Variants in PCDH15 observed in about 807,000 individuals in gnomAD.
The protein encoded by PCDH15 is protocadherin related 15, also known as protocadherin-15.
A neutral mutation model predicts 178.5 loss-of-function variants in PCDH15; 129 were observed. The observed-to-expected ratio is 0.72, with a 90% CI of 0.63 to 0.84. The LOEUF is 0.84. Ranked by LOEUF, PCDH15 falls within the 40% of genes least tolerant of loss-of-function variation. The probability of loss-of-function intolerance (pLI) is 0.00; values close to 1 mark genes in which losing one functional copy is unlikely to be tolerated. For synonymous variants in PCDH15, 800 were observed against 732.0 expected, an observed-to-expected ratio of 1.09 and a Z score of -1.50; for missense variants, 2,230 against 2,099.9, an observed-to-expected ratio of 1.06 and a Z score of -1.21.
At chr10:54,421,690 A>ATATATATATATATATG (rs1301759947) in intron 3 of PCDH15, among the ~76,000 whole-genome samples, 1,358 of 110,694 alleles carry the variant, frequency 0.012, 51 homozygotes, top group African/African-American at 0.02. Context: ...ATATATATAT[A>ATATATATATATATATG]TATACACACA....
chr10:54,685,451 G>A (rs1446531176), intron 1 of PCDH15, among the ~76,000 whole-genome samples: 1 of 152,120 alleles, frequency 6.6e-6, no homozygotes, highest in Non-Finnish European at 1.5e-5. Flanking sequence ...CACCACAAAC[G>A]TGTGAGTAAT....
intron 1 of PCDH15, among the ~76,000 whole-genome samples, chr10:55,281,246 GA>G (rs536487177): frequency 1.7e-3 from 253 of 152,118 alleles, no homozygotes; most frequent in Non-Finnish European, 1.9e-3. Context: ...AATAACAGAA[GA>G]AAAATAATTT....
chr10:54,571,858 A>T (rs2089890546), intron 2 of PCDH15, among the ~76,000 whole-genome samples: 1 of 152,186 alleles, frequency 6.6e-6, no homozygotes, highest in Non-Finnish European at 1.5e-5. Flanking sequence ...TCTATACATC[A>T]AAAATTGTGA....
intron 2 of PCDH15, among the ~76,000 whole-genome samples, chr10:55,362,726 C>T (rs1845259679): frequency 6.6e-6 from 1 of 151,956 alleles, no homozygotes; most frequent in South Asian, 2.1e-4. Flanking sequence ...CATGTGATTA[C>T]CACCACAGTC....
chr10:55,608,022 C>T (rs996314313), intron 2 of PCDH15, among the ~76,000 whole-genome samples: 2 of 151,988 alleles, frequency 1.3e-5, no homozygotes, highest in African/African-American at 4.8e-5. Flanking sequence ...AAAGCGCCTA[C>T]TGGTCAAATG....
At chr10:54,909,450 C>A (rs1289743978) in intron 2 of PCDH15, among the ~76,000 whole-genome samples, 1 of 152,198 alleles carries the variant, frequency 6.6e-6, no homozygotes, top group Non-Finnish European at 1.5e-5. Context: ...TGTATCAGCA[C>A]TGCCTCGAGC....
chr10:54,921,236 T>C (rs571652339), intron 2 of PCDH15, among the ~76,000 whole-genome samples: 4 of 152,334 alleles, frequency 2.6e-5, no homozygotes, highest in Non-Finnish European at 5.9e-5. Flanking sequence ...CCAAATTTCA[T>C]ACTTTTTGCT....
chr10:54,680,985 G>C (rs1325605501), intron 1 of PCDH15, among the ~76,000 whole-genome samples: 1 of 152,118 alleles, frequency 6.6e-6, no homozygotes, highest in Non-Finnish European at 1.5e-5. Context: ...AATAAACTAA[G>C]GGATATTTTA....
intron 15 of PCDH15, among the ~76,000 whole-genome samples, chr10:54,099,498 C>CAAAAAAAAAAAAAAAAA (rs755057091): frequency 2.0e-5 from 1 of 49,968 alleles, no homozygotes; most frequent in Non-Finnish European, 3.3e-5. Flanking sequence ...GACTCCATCT[C>CAAAAAAAAAAAAAAAAA]AAAAAAAAAA....
At chr10:54,771,105 G>A (rs1317728328) in intron 1 of PCDH15, among the ~76,000 whole-genome samples, 3 of 152,006 alleles carry the variant, frequency 2.0e-5, no homozygotes, top group Non-Finnish European at 4.4e-5. Flanking sequence ...CACTCATCAT[G>A]AACCAGATAG....
At chr10:55,179,881 G>A (rs888355898) in intron 1 of PCDH15, among the ~76,000 whole-genome samples, 4 of 151,892 alleles carry the variant, frequency 2.6e-5, no homozygotes, top group Admixed American at 1.3e-4. Context: ...GCTGAACTAC[G>A]GGAGTGAAAA....
intron 3 of PCDH15, among the ~76,000 whole-genome samples, chr10:54,499,829 GA>G (rs1477886109): frequency 6.6e-6 from 1 of 152,196 alleles, no homozygotes; most frequent in East Asian, 1.9e-4. Context: ...AATTAGAGCT[GA>G]CCAGAATGAC....
In PCDH15 at chr10:54,291,841, C is replaced by G. The variant is rs143868065; in HGVS notation, c.876+25430G>C. ...GAGGCAATAATTAATAGCCTATCAA[C>G]CAAAAAAGGTCCAGGGCCAGACGGA... On this transcript the variant is annotated intron_variant, in intron 8 of 37. Transcript: ENST00000644397. Among the ~76,000 whole-genome samples the G allele has an allele frequency of 3.9e-5, 6 of 152,190 alleles. No homozygotes were observed. In the East Asian group the frequency reaches 1.2e-3, roughly 29 times the overall value.
intron 3 of PCDH15, among the ~76,000 whole-genome samples, chr10:54,522,189 A>T (rs2082953097): frequency 6.6e-6 from 1 of 152,000 alleles, no homozygotes. Flanking sequence ...CGCTGCTATG[A>T]CATTGAGTGA....
intron 27 of PCDH15, among the ~76,000 whole-genome samples, chr10:53,862,354 T>C (rs2079159394): frequency 6.6e-6 from 1 of 152,080 alleles, no homozygotes; most frequent in Non-Finnish European, 1.5e-5. Flanking sequence ...CCGGCCATTG[T>C]ACTTTGAATT....
chr10:55,369,448 A>G (rs1325087948), intron 2 of PCDH15, among the ~76,000 whole-genome samples: 5 of 152,056 alleles, frequency 3.3e-5, no homozygotes, highest in African/African-American at 1.2e-4. Context: ...TAAAAACAAA[A>G]AAGTACCCTT....
chr10:55,120,491 G>A (rs1033575100), intron 2 of PCDH15, among the ~76,000 whole-genome samples: 1 of 152,022 alleles, frequency 6.6e-6, no homozygotes, highest in East Asian at 1.9e-4. Context: ...GAAGCCCCAG[G>A]ACTGAGATCT....
chr10:55,333,747 T>C (rs1268920643), intron 2 of PCDH15, among the ~76,000 whole-genome samples: 1 of 151,988 alleles, frequency 6.6e-6, no homozygotes, highest in East Asian at 1.9e-4. Context: ...TTGGAATTTC[T>C]TATAATATTC....
intron 13 of PCDH15, among the ~76,000 whole-genome samples, chr10:54,180,925 G>T (rs1023063809): frequency 3.3e-5 from 5 of 152,120 alleles, no homozygotes; most frequent in Admixed American, 3.3e-4. Context: ...TTTACAAAGA[G>T]ATACATAAGG....
Sources: gnomAD v4.1 joint callset for allele counts (sites outside exome capture counted in the v4.1 genomes callset) on GRCh38, gnomAD v4.1.1 for gene constraint, MANE v1.5 for transcripts, NCBI Gene and HGNC (gene_info 2026-07-23, HGNC 2026-07-21) for gene names.